ZNF33A: variants seen among roughly 807,000 people sequenced by gnomAD.
The protein encoded by ZNF33A is brain my041 protein.
Under a neutral mutation model 15.9 loss-of-function variants are expected in ZNF33A, and 9 were observed. The observed-to-expected ratio is 0.57, with a 90% CI of 0.34 to 0.99. The LOEUF is 0.99. Among genes scored for constraint, ZNF33A ranks in the 50% least tolerant of loss-of-function variants. The pLI is 0.02. For synonymous variants in ZNF33A, 294 were observed against 324.2 expected, an observed-to-expected ratio of 0.91 and a Z score of 1.00; for missense variants, 843 against 941.6, an observed-to-expected ratio of 0.90 and a Z score of 1.37.
At position 38,043,289 on chromosome 10, in the gene ZNF33A, C is replaced by A. The variant is rs1488642565; in HGVS notation, c.251-11086C>A. Among the ~76,000 whole-genome samples, 5 of 141,000 alleles carry A rather than the reference C, an allele frequency of 3.5e-5. No homozygotes were observed. The South Asian group carries it at 6.6e-4, about 19-fold the overall frequency. 92.5% of individuals were successfully genotyped at this position (141,000 alleles called of 152,430 possible). Reference sequence around the variant, plus strand: ...GCATGTTCTCACTCACAGGTGGGAACTGAACAATAAGAACACATGGACACA... The same window carrying A: ...GCATGTTCTCACTCACAGGTGGGAAATGAACAATAAGAACACATGGACACA... On this transcript the variant is annotated intron_variant, in intron 4 of 4. Transcript: ENST00000432900.
At chr10:38,011,325 C>T (rs377035844) in intron 1 of ZNF33A, among the ~76,000 whole-genome samples, 1 of 152,204 alleles carries the variant, frequency 6.6e-6, no homozygotes, top group South Asian at 2.1e-4. Context: ...TGGCTCTCGC[C>T]TGTAATCCCA....
chr10:38,025,149 G>A (rs1402145432), intron 4 of ZNF33A, among the ~76,000 whole-genome samples: 4 of 152,116 alleles, frequency 2.6e-5, no homozygotes, highest in East Asian at 1.9e-4. Flanking sequence ...TCAGGCTTCC[G>A]CTGGGTGTCT....
intron 4 of ZNF33A, among the ~76,000 whole-genome samples, chr10:38,050,644 A>G (rs1394556114): frequency 1.3e-5 from 2 of 152,206 alleles, no homozygotes; most frequent in African/African-American, 2.4e-5. Flanking sequence ...AGCCAGGGCC[A>G]TGACCTTTGT....
intron 4 of ZNF33A, among the ~76,000 whole-genome samples, chr10:38,051,136 A>C (rs567525520): frequency 6.6e-6 from 1 of 152,214 alleles, no homozygotes; most frequent in African/African-American, 2.4e-5. Context: ...ATATATGCAA[A>C]TCATGAAGCC....
intron 1 of ZNF33A, 133 bp downstream of exon 1, chr10:38,010,916 C>T (rs1554898717): frequency 2.1e-6 from 2 of 945,444 alleles, no homozygotes; most frequent in Admixed American, 2.7e-5. Context: ...GACGGCGGGG[C>T]TGCAGCGTGT....
At chr10:38,025,338 GTCTCCCCAGAATTCA>G (rs2064937001) in intron 4 of ZNF33A, among the ~76,000 whole-genome samples, 1 of 152,332 alleles carries the variant, frequency 6.6e-6, no homozygotes, top group Middle Eastern at 3.4e-3. Context: ...ATATGTTCAT[GTCTCCCCAGAATTCA>G]TATGTTGGAG....
At chr10:38,013,696 A>T (rs1342607784) in intron 2 of ZNF33A, among the ~76,000 whole-genome samples, 1 of 151,672 alleles carries the variant, frequency 6.6e-6, no homozygotes, top group Non-Finnish European at 1.5e-5. Context: ...TGACCTCGTG[A>T]TCCCCCACCT....
chr10:38,051,898 T>C (rs1194416439), intron 4 of ZNF33A, among the ~76,000 whole-genome samples: 1 of 152,096 alleles, frequency 6.6e-6, no homozygotes, highest in Non-Finnish European at 1.5e-5. Flanking sequence ...CATTTCAATA[T>C]ATGCAGACAA....
chr10:38,058,084 C>A lies in ZNF33A; in HGVS notation c.*1524C>A. The stretch of plus-strand genomic sequence containing the variant: ...TCCTAGATTACACAAGTAATCTAAG[C>A]TTCCACTTTAGGAAACTAGAAAAAG... On this transcript the variant is annotated 3_prime_UTR_variant, in exon 5 of 5. Coordinates refer to ENST00000432900, the MANE Select transcript of ZNF33A (RefSeq NM_006954.2). The A allele has an allele frequency of 1.0e-6, 1 of 969,868 alleles. No homozygotes were observed. The highest frequency in any genetic ancestry group is 1.8e-5 in the African/African-American group (1 of 56,970). 60.1% of individuals were successfully genotyped at this position (969,868 alleles called of 1,614,324 possible).
chr10:38,012,393 TTG>T (rs1669542236), intron 2 of ZNF33A, 43 bp downstream of exon 2: 2 of 1,599,410 alleles, frequency 1.3e-6, no homozygotes, highest in Non-Finnish European at 8.6e-7. Context: ...GCAGTGGACT[TTG>T]TGAGATTTGT....
At chr10:38,030,367 T>G (rs1319301641) in intron 4 of ZNF33A, among the ~76,000 whole-genome samples, 1 of 152,182 alleles carries the variant, frequency 6.6e-6, no homozygotes, top group Admixed American at 6.6e-5. Context: ...TAATGTGTGG[T>G]GTGTCCATAC....
chr10:38,043,410 A>G (rs1590639869), intron 4 of ZNF33A, among the ~76,000 whole-genome samples: 1 of 151,748 alleles, frequency 6.6e-6, no homozygotes, highest in African/African-American at 2.4e-5. Context: ...TGACGAGTTA[A>G]TGGGTGCAGC....
chr10:38,014,091 A>G (rs567770584), intron 2 of ZNF33A, among the ~76,000 whole-genome samples: 1 of 117,904 alleles, frequency 8.5e-6, no homozygotes, highest in Admixed American at 1.2e-4. Flanking sequence ...CACCCAGGCT[A>G]GGGTGCAGTG....
At position 38,012,345 on chromosome 10, in the gene ZNF33A, A is replaced by G; in HGVS notation, c.4A>G (p.Asn2Asp). ...GTCTTTCCAAGAACAGAACAAAATG[A>G]ACAAGGTAAGTTGTTTATTAATTCC... M[N>D]KVEQKSQESV... Residue 2 changes from asparagine to aspartate, a missense_variant, in exon 2 of 5, where the codon AAC becomes GAC. Physicochemically the swap from Asn to Asp is conservative, Grantham distance 23. Coordinates refer to ENST00000432900, the MANE Select transcript of ZNF33A (RefSeq NM_006954.2). The G allele has an allele frequency of 6.2e-7, 1 of 1,613,908 alleles. No individual in the cohort carries two copies. Among genetic ancestry groups the G allele is most frequent in the Non-Finnish European group, 8.5e-7 (1 of 1,179,950 alleles).
Position 38,010,962 on chromosome 10 carries a change from G to A in ZNF33A, c.-45+179G>A, listed in dbSNP as rs542744048. Among the ~76,000 whole-genome samples, 6 of 152,334 alleles carry A rather than the reference G, an allele frequency of 3.9e-5. 1 individual carries two copies. The South Asian group carries it at 1.2e-3, about 32-fold the overall frequency. On this transcript the variant is annotated intron_variant, in intron 1 of 4. Transcript: ENST00000432900. Reference sequence around the variant, plus strand: ...GCTAGGCCGGTTCCTCAAAGGCGCGGCCTCTGTACGGAGCAGGGTACGCAG... The same window carrying A: ...GCTAGGCCGGTTCCTCAAAGGCGCGACCTCTGTACGGAGCAGGGTACGCAG...
chr10:38,028,974 T>C (rs986003544), intron 4 of ZNF33A, among the ~76,000 whole-genome samples: 2 of 152,188 alleles, frequency 1.3e-5, no homozygotes, highest in Non-Finnish European at 2.9e-5. Flanking sequence ...ACTCATCCCC[T>C]TTATGTTGTT....
chr10:38,021,827 A>AAT (rs2064760528), intron 4 of ZNF33A, among the ~76,000 whole-genome samples: 1 of 152,202 alleles, frequency 6.6e-6, no homozygotes, highest in South Asian at 2.1e-4. Flanking sequence ...ACAAATCAGT[A>AAT]ATAGAGTGAC....
At chr10:38,054,241 C>T (rs983603084) in intron 4 of ZNF33A, 134 bp from the exon 5 acceptor site, 1 of 921,802 alleles carries the variant, frequency 1.1e-6, no homozygotes, top group African/African-American at 1.7e-5. Flanking sequence ...AAAATATGCA[C>T]TTGCAATTAT....
chr10:38,033,561 C>T (rs999234881), intron 4 of ZNF33A, among the ~76,000 whole-genome samples: 2 of 152,306 alleles, frequency 1.3e-5, no homozygotes, highest in African/African-American at 2.4e-5. Flanking sequence ...CAATACTTTA[C>T]AATCCTGCCA....
Sources: gnomAD v4.1 joint callset for allele counts (sites outside exome capture counted in the v4.1 genomes callset) on GRCh38, gnomAD v4.1.1 for gene constraint, MANE v1.5 for transcripts, NCBI Gene and HGNC (gene_info 2026-07-23, HGNC 2026-07-21) for gene names.